The following PTPRK variants were observed in gnomAD, a reference collection of about 807,000 sequenced individuals.
PTPRK encodes the protein protein tyrosine phosphatase receptor type K, also known as receptor-type tyrosine-protein phosphatase kappa.
A neutral mutation model predicts 178.0 loss-of-function variants in PTPRK; 75 were observed. The observed-to-expected ratio is 0.42, with a 90% CI of 0.35 to 0.51. PTPRK has a LOEUF of 0.51. Ranked by LOEUF, PTPRK falls within the 20% of genes least tolerant of loss-of-function variation. PTPRK has a pLI of 0.02. For synonymous variants in PTPRK, 637 were observed against 620.6 expected, an observed-to-expected ratio of 1.03 and a Z score of -0.39; for missense variants, 1,441 against 1,797.8, an observed-to-expected ratio of 0.80 and a Z score of 3.59.
At chr6:128,156,481 AAGAG>A (rs371126341) in intron 7 of PTPRK, among the ~76,000 whole-genome samples, 2 of 150,564 alleles carry the variant, frequency 1.3e-5, no homozygotes, top group Non-Finnish European at 3.0e-5. Context: ...ATGGTGGAGC[AAGAG>A]AGAGAGAGAG....
rs189845356 is a variant in PTPRK, at chr6:128,259,880, T to G, written c.496-17278A>C. On this transcript the variant is annotated intron_variant, in intron 3 of 29. Transcript: ENST00000368226. ...ACTTCCTTCTGTAACATAAGAACCC[T>G]TCCACACAACTGCTTTCATTTTCCA... Among the ~76,000 whole-genome samples, 319 of 152,278 alleles carry G rather than the reference T, an allele frequency of 2.1e-3. 1 individual carries two copies. Among genetic ancestry groups the G allele is most frequent in the Admixed American group, 6.3e-3 (96 of 15,300 alleles).
intron 7 of PTPRK, among the ~76,000 whole-genome samples, chr6:128,093,368 C>A (rs2115033509): frequency 6.6e-6 from 1 of 151,920 alleles, no homozygotes; most frequent in African/African-American, 2.4e-5. Flanking sequence ...CCATGGTGGG[C>A]AGATGGCCTG....
intron 2 of PTPRK, among the ~76,000 whole-genome samples, chr6:128,347,496 A>AT (rs1039168902): frequency 6.6e-6 from 1 of 151,934 alleles, no homozygotes; most frequent in South Asian, 2.1e-4. Context: ...TGATATGTTG[A>AT]TTTTTTTTCA....
chr6:128,229,193 A>G (rs1213360418), intron 5 of PTPRK, among the ~76,000 whole-genome samples: 1 of 152,230 alleles, frequency 6.6e-6, no homozygotes, highest in Non-Finnish European at 1.5e-5. Flanking sequence ...AAAGTATATT[A>G]TCCATGCAAT....
intron 6 of PTPRK, among the ~76,000 whole-genome samples, chr6:128,209,105 TATC>T (rs1430127447): frequency 6.6e-6 from 1 of 151,742 alleles, no homozygotes; most frequent in Non-Finnish European, 1.5e-5. Context: ...ACTTATCACT[TATC>T]ATCTCAAGTT....
At chr6:128,167,365 T>G (rs1240536130) in intron 7 of PTPRK, among the ~76,000 whole-genome samples, 1 of 151,954 alleles carries the variant, frequency 6.6e-6, no homozygotes, top group African/African-American at 2.4e-5. Context: ...ATATTTGCCA[T>G]GCAAGATATC....
At chr6:128,509,516 T>G (rs2128442350) in intron 1 of PTPRK, among the ~76,000 whole-genome samples, 1 of 152,290 alleles carries the variant, frequency 6.6e-6, no homozygotes, top group East Asian at 1.9e-4. Flanking sequence ...TTTTGTGCCT[T>G]CAGCAATACT....
At chr6:128,432,721 C>T (rs1844995930) in intron 1 of PTPRK, among the ~76,000 whole-genome samples, 1 of 149,784 alleles carries the variant, frequency 6.7e-6, no homozygotes, top group African/African-American at 2.5e-5. Context: ...GTTACCCCTA[C>T]CATACAGGTA....
intron 2 of PTPRK, among the ~76,000 whole-genome samples, chr6:128,345,625 G>C (rs765123552): frequency 6.6e-6 from 1 of 152,228 alleles, no homozygotes; most frequent in Non-Finnish European, 1.5e-5. Context: ...TTAGCTTCAG[G>C]AGAAGCAAGA....
At chr6:128,108,103 C>G (rs1227004780) in intron 7 of PTPRK, among the ~76,000 whole-genome samples, 1 of 151,568 alleles carries the variant, frequency 6.6e-6, no homozygotes, top group Non-Finnish European at 1.5e-5. Flanking sequence ...CACACACACA[C>G]ACACACACAC....
chr6:128,282,935 G>C (rs1025242941), intron 3 of PTPRK, among the ~76,000 whole-genome samples: 12 of 151,354 alleles, frequency 7.9e-5, no homozygotes, highest in Non-Finnish European at 2.9e-5. Context: ...GATGGCTGCA[G>C]AAAGAGATTA....
At chr6:128,258,502 G>C (rs1562883507) in intron 3 of PTPRK, among the ~76,000 whole-genome samples, 1 of 152,144 alleles carries the variant, frequency 6.6e-6, no homozygotes, top group African/African-American at 2.4e-5. Flanking sequence ...AAAAATGTTA[G>C]TTTCGCTATG....
At chr6:128,033,784 G>A (rs993328818) in intron 13 of PTPRK, among the ~76,000 whole-genome samples, 1 of 152,060 alleles carries the variant, frequency 6.6e-6, no homozygotes, top group African/African-American at 2.4e-5. Flanking sequence ...GACTGAGGGG[G>A]GAGTATTTCT....
At chr6:128,449,975 G>A (rs1464362032) in intron 1 of PTPRK, among the ~76,000 whole-genome samples, 1 of 151,360 alleles carries the variant, frequency 6.6e-6, no homozygotes, top group African/African-American at 2.4e-5. Flanking sequence ...AGGCATAATG[G>A]CACACGCCTG....
In PTPRK at chr6:128,493,518, T is replaced by C. The variant is rs535943574; in HGVS notation, c.100+26741A>G. The stretch of plus-strand genomic sequence containing the variant: ...CAGAGCTTGCAGTGAGCCGAGATCG[T>C]GCCACTGCGCTCCAGCTGGGTGAAA... On this transcript the variant is annotated intron_variant, in intron 1 of 29. Transcript: ENST00000368226. Among the ~76,000 whole-genome samples, 94 of 148,488 alleles carry C rather than the reference T, an allele frequency of 6.3e-4. No individual in the cohort carries two copies. The South Asian group carries it at 0.015, about 23-fold the overall frequency.
intron 3 of PTPRK, among the ~76,000 whole-genome samples, chr6:128,294,165 T>C (rs1041482115): frequency 1.3e-5 from 2 of 152,098 alleles, no homozygotes; most frequent in Non-Finnish European, 2.9e-5. Context: ...AACGGTTTAT[T>C]TTAGTAAATT....
chr6:128,238,866 G>T (rs993989497), intron 5 of PTPRK, among the ~76,000 whole-genome samples: 3 of 151,952 alleles, frequency 2.0e-5, no homozygotes, highest in African/African-American at 7.3e-5. Context: ...AGCTATAAAA[G>T]TAGTAATAAT....
intron 7 of PTPRK, among the ~76,000 whole-genome samples, chr6:128,122,996 T>C (rs967262112): frequency 3.9e-5 from 6 of 152,150 alleles, no homozygotes; most frequent in African/African-American, 1.4e-4. Flanking sequence ...AACTTCAGAA[T>C]GGAACTTTAT....
rs573854973 is a variant in PTPRK at position 127,985,511 on chromosome 6, C to T, written c.3251+210G>A. 3.9e-5 allele frequency among the ~76,000 whole-genome samples: 6 copies of T among 152,308 alleles called. 1 individual carries two copies. In the South Asian group the frequency reaches 1.0e-3, roughly 26 times the overall value. ...ACTTTAAATTGTGGATAACACTACA[C>T]GCATTAGGATGAATGTATGTATTTC... On this transcript the variant is annotated intron_variant, in intron 22 of 29. Coordinates refer to ENST00000368226, the MANE Select transcript of PTPRK (RefSeq NM_002844.4).
Sources: gnomAD v4.1 joint callset for allele counts (sites outside exome capture counted in the v4.1 genomes callset) on GRCh38, gnomAD v4.1.1 for gene constraint, MANE v1.5 for transcripts, NCBI Gene and HGNC (gene_info 2026-07-23, HGNC 2026-07-21) for gene names.